Variants in NPFFR1 observed in about 807,000 individuals in gnomAD.
NPFFR1 encodes the protein neuropeptide FF receptor 1, also known as G-protein coupled receptor 147.
NPFFR1 carries 17 observed loss-of-function variants against 12.7 expected under a neutral mutation model. The observed-to-expected ratio is 1.34, with a 90% CI of 0.92 to 2.01. The LOEUF (loss-of-function observed/expected upper bound fraction) is 2.01. NPFFR1 is among the 30% of genes most tolerant of loss of function. The probability of loss-of-function intolerance (pLI) is 0.00; values close to 1 mark genes in which losing one functional copy is unlikely to be tolerated. For synonymous variants in NPFFR1, 296 were observed against 264.5 expected (o/e 1.12, Z -1.16); for missense variants, 604 against 606.5 (o/e 1.00, Z 0.04).
intron 1 of NPFFR1, among the ~76,000 whole-genome samples, chr10:70,274,576 G>A (rs970659839): frequency 6.6e-6 from 1 of 152,174 alleles, no homozygotes; most frequent in African/African-American, 2.4e-5. Flanking sequence ...GTTTGGGGTG[G>A]CTGGGAGACT....
chr10:70,256,072 CTTT>C (rs60840539), intron 3 of NPFFR1, among the ~76,000 whole-genome samples: 8 of 137,762 alleles, frequency 5.8e-5, no homozygotes, highest in Non-Finnish European at 6.2e-5. Context: ...CACTTTTCTC[CTTT>C]TTTTTTTTTT....
Position 70,255,157 on chromosome 10 carries a change from C to T in NPFFR1, c.1093G>A (p.Gly365Ser). The T allele has an allele frequency of 1.9e-6, 3 of 1,541,546 alleles. No individual in the cohort carries two copies. Among genetic ancestry groups the T allele is most frequent in the Non-Finnish European group, 2.6e-6 (3 of 1,145,492 alleles). The change falls in exon 4 of 4, where the codon GGC (glycine) becomes AGC (serine). Residue 365 changes from glycine to serine, a missense_variant. Gly to Ser is a moderately conservative substitution (Grantham distance 56, BLOSUM62 0). Transcript: ENST00000277942. This position sits in a 1 kb window ranked among gnomAD's most constrained non-coding sequence, Gnocchi z 4.2. ...SHKEAYSERP[G>S]GLLHRRVFVV... ...AAGACCCGCCTGTGCAGAAGCCCGC[C>T]GGGCCGCTCGGAGTAGGCCTCCTTG...
chr10:70,260,806 C>T (rs1296896378), intron 2 of NPFFR1, 67 bp from the exon 3 acceptor site: 19 of 1,384,454 alleles, frequency 1.4e-5, no homozygotes, highest in Admixed American at 2.0e-5. Flanking sequence ...ACTGAAAGCC[C>T]TCCAAGCCAG....
rs1397284864 is a variant in NPFFR1 at position 70,251,753 on chromosome 10, G to A, written c.*3204C>T. 1.3e-5 allele frequency: 2 copies of A among 152,274 alleles called. No individual in the cohort carries two copies. The highest frequency in any genetic ancestry group is 4.8e-5 in the African/African-American group (2 of 41,470). 9.4% of individuals were successfully genotyped at this position (152,274 alleles called of 1,614,324 possible). A position where few individuals can be genotyped will look rare whatever the true frequency, so the allele number is the denominator to read the frequency against. ...TGGTCCACACCACTTGCCCGTGGGCGCCTAGGCTGCACAAGGCCCCGTCAG... is the reference window on the plus strand; with the variant it reads ...TGGTCCACACCACTTGCCCGTGGGCACCTAGGCTGCACAAGGCCCCGTCAG... On this transcript the variant is annotated 3_prime_UTR_variant, in exon 4 of 4. Coordinates refer to ENST00000277942, the MANE Select transcript of NPFFR1 (RefSeq NM_022146.5).
intron 3 of NPFFR1, among the ~76,000 whole-genome samples, chr10:70,257,959 G>A (rs569249543): frequency 6.6e-6 from 1 of 152,018 alleles, no homozygotes; most frequent in Non-Finnish European, 1.5e-5. Context: ...TTGCTCACAG[G>A]TTTGTTACTG....
At chr10:70,258,196 G>C (rs1333920057) in intron 3 of NPFFR1, among the ~76,000 whole-genome samples, 1 of 152,034 alleles carries the variant, frequency 6.6e-6, no homozygotes, top group Admixed American at 6.6e-5. Context: ...ATACCCACAG[G>C]TGTGGAGAGG....
chr10:70,278,036 C>G, intron 1 of NPFFR1: 1 of 512,794 alleles, frequency 2.0e-6, no homozygotes. Context: ...GACCTGTCAG[C>G]CTCCACTTGC....
intron 1 of NPFFR1, among the ~76,000 whole-genome samples, chr10:70,273,157 C>T (rs1390963201): frequency 1.3e-5 from 2 of 152,188 alleles, no homozygotes; most frequent in African/African-American, 2.4e-5. Context: ...ACAGCTCCTG[C>T]CCCTTCCAAC....
At chr10:70,261,214 T>A (rs1200987430) in intron 2 of NPFFR1, among the ~76,000 whole-genome samples, 2 of 152,058 alleles carry the variant, frequency 1.3e-5, no homozygotes, top group Non-Finnish European at 2.9e-5. Flanking sequence ...GTGAGTAAGT[T>A]CTCATCACGA....
intron 2 of NPFFR1, among the ~76,000 whole-genome samples, chr10:70,262,838 T>C (rs192606196): frequency 3.9e-5 from 6 of 152,258 alleles, no homozygotes; most frequent in Admixed American, 3.9e-4. Flanking sequence ...GACACCCCAA[T>C]ACCCATGAGC....
intron 3 of NPFFR1, among the ~76,000 whole-genome samples, chr10:70,260,366 C>T (rs550332289): frequency 3.0e-4 from 45 of 152,310 alleles, no homozygotes; most frequent in African/African-American, 1.0e-3. Context: ...AAGGACTGCT[C>T]TTGAGCTCCT....
In NPFFR1 at chr10:70,266,286, T is replaced by C. The variant is rs768368015; in HGVS notation, c.113A>G (p.His38Arg). The C allele has an allele frequency of 1.2e-5, 19 of 1,613,570 alleles. No homozygotes were observed. Among genetic ancestry groups the C allele is most frequent in the Non-Finnish European group, 1.5e-5 (18 of 1,179,812 alleles). ...GAACATGGCCGCCACAGGGGAGGTG[T>C]GCTGATAGTAGGAGGAGAAGGTGAG... is the stretch of plus-strand genomic sequence containing the variant. ...TNLTFSSYYQ[H>R]TSPVAAMFIV... The change falls in exon 2 of 4, where the codon CAC (histidine) becomes CGC (arginine). Residue 38 changes from histidine (H) to arginine (R), a missense_variant. Physicochemically the swap from His to Arg is conservative, Grantham distance 29 (BLOSUM62 0). Transcript: ENST00000277942.
intron 1 of NPFFR1, among the ~76,000 whole-genome samples, chr10:70,273,967 G>A (rs1840775437): frequency 6.6e-6 from 1 of 152,102 alleles, no homozygotes. Context: ...AGACCCCCAA[G>A]TTTCCTGTTC....
chr10:70,283,616 C>A, intron 1 of NPFFR1, 54 bp downstream of exon 1: 1 of 1,503,442 alleles, frequency 6.7e-7, no homozygotes, highest in Non-Finnish European at 9.0e-7. Context: ...TCGCCCCATG[C>A]CCCGGAGTCG....
At chr10:70,262,785 G>A (rs988450265) in intron 2 of NPFFR1, among the ~76,000 whole-genome samples, 4 of 152,118 alleles carry the variant, frequency 2.6e-5, no homozygotes, top group East Asian at 1.9e-4. Flanking sequence ...GTTAGTATAC[G>A]TATATTTCCT....
chr10:70,258,905 G>A (rs755318171), intron 3 of NPFFR1, among the ~76,000 whole-genome samples: 4 of 152,048 alleles, frequency 2.6e-5, no homozygotes, highest in Non-Finnish European at 4.4e-5. Context: ...CCCAGTTTTT[G>A]GCCTGATAGC....
At position 70,260,948 on chromosome 10, in the gene NPFFR1, G is replaced by A. The variant is rs1239080489; in HGVS notation, c.323-209C>T. On this transcript the variant is annotated intron_variant, in intron 2 of 3. Coordinates refer to ENST00000277942, the MANE Select transcript of NPFFR1 (RefSeq NM_022146.5). ...CAGTTCTCACTACAGTCATCCCCTCGTTTATACAGTGCATTGGTTCTAGGA... is the reference window on the plus strand; with the variant it reads ...CAGTTCTCACTACAGTCATCCCCTCATTTATACAGTGCATTGGTTCTAGGA... Among the ~76,000 whole-genome samples the A allele has an allele frequency of 3.3e-5, 5 of 151,982 alleles. 1 individual carries two copies. The highest frequency in any genetic ancestry group is 5.9e-5 in the Non-Finnish European group (4 of 68,010).
At chr10:70,282,007 T>A (rs1417599384) in intron 1 of NPFFR1, among the ~76,000 whole-genome samples, 1 of 152,176 alleles carries the variant, frequency 6.6e-6, no homozygotes, top group East Asian at 1.9e-4. Context: ...AGATAAAAAA[T>A]TTATATTTCC....
rs1840512256 is a variant in NPFFR1, at chr10:70,251,558, A to T, written c.*3399T>A. The T allele has an allele frequency of 1.3e-5, 2 of 152,312 alleles. No homozygotes were observed. Among genetic ancestry groups the T allele is most frequent in the Non-Finnish European group, 2.9e-5 (2 of 68,112 alleles). The allele number at this position is 152,312 out of a possible 1,614,324, so 9.4% of individuals were successfully genotyped here. A position where few individuals can be genotyped will look rare whatever the true frequency, so the allele number is the denominator to read the frequency against. On this transcript the variant is annotated 3_prime_UTR_variant, in exon 4 of 4. Coordinates refer to ENST00000277942, the MANE Select transcript of NPFFR1 (RefSeq NM_022146.5). Reference sequence around the variant, plus strand: ...CTCATGCCGCACATGGCAGGACAGGACACAGAGTCCCTCCAGGAGGCCCTC... The same window carrying T: ...CTCATGCCGCACATGGCAGGACAGGTCACAGAGTCCCTCCAGGAGGCCCTC...
Sources: allele counts gnomAD v4.1 joint callset (sites outside exome capture counted in the v4.1 genomes callset), GRCh38; gene constraint gnomAD v4.1.1; non-coding constraint Gnocchi (gnomAD v3.1); transcripts MANE v1.5; gene names NCBI Gene and HGNC (gene_info 2026-07-23, HGNC 2026-07-21).